The following PRKCE variants were observed in gnomAD, a reference collection of about 807,000 sequenced individuals.
The protein encoded by PRKCE is protein kinase C epsilon type.
A neutral mutation model predicts 85.4 loss-of-function variants in PRKCE; 16 were observed. That is an observed-to-expected ratio of 0.19 (90% CI 0.13 to 0.28). The LOEUF is 0.28. Ranked by LOEUF, PRKCE falls within the 10% of genes least tolerant of loss-of-function variation. PRKCE has a pLI of 1.00. For synonymous variants in PRKCE, 388 were observed against 371.5 expected (o/e 1.04, Z -0.51); for missense variants, 573 against 975.2 (o/e 0.59, Z 5.49).
At chr2:45,891,912 C>T (rs557816106) in intron 2 of PRKCE, among the ~76,000 whole-genome samples, 2 of 152,308 alleles carry the variant, frequency 1.3e-5, no homozygotes, top group Non-Finnish European at 2.9e-5. Context: ...TTCAGTGGCT[C>T]CCGTCCCCAC....
At chr2:46,073,047 AG>A (rs1229592808) in intron 10 of PRKCE, among the ~76,000 whole-genome samples, 1 of 152,182 alleles carries the variant, frequency 6.6e-6, no homozygotes, top group East Asian at 1.9e-4. Context: ...GCTCTGATAG[AG>A]GGGCCTGGAA....
Position 45,924,291 on chromosome 2 carries a change from A to G in PRKCE, c.413-52138A>G, listed in dbSNP as rs138547152. ...GTATTTTTGTTTGGGGAGAGGTATA[A>G]CAAATATGTCCACTGCCAGGGAAAT... On this transcript the variant is annotated intron_variant, in intron 2 of 14. Transcript: ENST00000306156. Among the ~76,000 whole-genome samples the G allele has an allele frequency of 2.6e-5, 4 of 152,300 alleles. No homozygotes were observed. The East Asian group carries it at 7.7e-4, about 29-fold the overall frequency.
chr2:45,961,987 G>A (rs1464077101), intron 2 of PRKCE, among the ~76,000 whole-genome samples: 4 of 152,166 alleles, frequency 2.6e-5, no homozygotes, highest in African/African-American at 4.8e-5. Context: ...GAACCACCGC[G>A]CCCGGCTGCC....
At chr2:45,741,436 A>G (rs1282280933) in intron 1 of PRKCE, among the ~76,000 whole-genome samples, 2 of 148,884 alleles carry the variant, frequency 1.3e-5, no homozygotes, top group East Asian at 2.0e-4. Flanking sequence ...ACTGGGGACA[A>G]ATATCAGAAT....
intron 10 of PRKCE, among the ~76,000 whole-genome samples, chr2:46,070,642 C>CA (rs5830886): frequency 0.59 from 86,514 of 147,690 alleles, 25,313 homozygotes; most frequent in Middle Eastern, 0.65. Context: ...GACTCCGTCT[C>CA]AAAAAAAAAA....
intron 1 of PRKCE, among the ~76,000 whole-genome samples, chr2:45,757,551 C>T (rs1277673097): frequency 6.6e-6 from 1 of 151,904 alleles, no homozygotes; most frequent in Non-Finnish European, 1.5e-5. Context: ...GCTGTAGTGC[C>T]AGTAACTTGG....
intron 10 of PRKCE, among the ~76,000 whole-genome samples, chr2:46,060,372 AC>A (rs1418554419): frequency 6.6e-6 from 1 of 152,056 alleles, no homozygotes; most frequent in Non-Finnish European, 1.5e-5. Flanking sequence ...AAGAGAGAAG[AC>A]CCTGCCCATG....
chr2:45,831,959 CTTTAT>C (rs758955032), intron 1 of PRKCE, among the ~76,000 whole-genome samples: 61 of 152,178 alleles, frequency 4.0e-4, no homozygotes, highest in Admixed American at 9.8e-4. Flanking sequence ...AGATCTTATC[CTTTAT>C]TTTATTTTTG....
chr2:46,169,249 G>A (rs1678650130), intron 14 of PRKCE, among the ~76,000 whole-genome samples: 1 of 152,176 alleles, frequency 6.6e-6, no homozygotes, highest in Admixed American at 6.5e-5. Context: ...CTGGGGAGGG[G>A]GATGGTAACA....
At chr2:46,005,922 A>T (rs1705152385) in intron 8 of PRKCE, among the ~76,000 whole-genome samples, 2 of 152,170 alleles carry the variant, frequency 1.3e-5, no homozygotes, top group Non-Finnish European at 2.9e-5. Context: ...TGAGGCTGAG[A>T]TCCCCTTTGG....
chr2:45,665,608 C>G (rs947300996), intron 1 of PRKCE, among the ~76,000 whole-genome samples: 1 of 152,166 alleles, frequency 6.6e-6, no homozygotes, highest in Non-Finnish European at 1.5e-5. Flanking sequence ...ATGACACCAT[C>G]CTATTTCTCT....
intron 1 of PRKCE, chr2:45,675,969 A>G (rs1676426152): frequency 6.6e-6 from 1 of 152,182 alleles, no homozygotes. Context: ...GCTTTTATTC[A>G]AGCAGCACCG....
At position 46,131,671 on chromosome 2, in the gene PRKCE, G is replaced by T. The variant is rs538789922; in HGVS notation, c.1593-13422G>T. ...AGGAGAAGCTGCTGGATCCTTCTTG[G>T]TTGGAAGACTGGAAGGCATGTGGAG... On this transcript the variant is annotated intron_variant, in intron 11 of 14. Coordinates refer to ENST00000306156, the MANE Select transcript of PRKCE (RefSeq NM_005400.3). Among the ~76,000 whole-genome samples, 173 of 152,346 alleles carry T rather than the reference G, an allele frequency of 1.1e-3. 1 individual carries two copies. The highest frequency in any genetic ancestry group is 3.9e-3 in the African/African-American group (164 of 41,588).
intron 2 of PRKCE, among the ~76,000 whole-genome samples, chr2:45,896,129 C>T (rs1182838243): frequency 6.6e-6 from 1 of 152,188 alleles, no homozygotes; most frequent in Non-Finnish European, 1.5e-5. Flanking sequence ...TTGTCCGAGT[C>T]AGTTAACCTC....
intron 10 of PRKCE, among the ~76,000 whole-genome samples, chr2:46,034,405 G>A (rs1707725831): frequency 6.6e-6 from 1 of 152,206 alleles, no homozygotes; most frequent in African/African-American, 2.4e-5. Flanking sequence ...TCGTAAGGAG[G>A]GGGCTGTGTG....
intron 10 of PRKCE, among the ~76,000 whole-genome samples, chr2:46,025,077 A>G (rs1574266516): frequency 7.6e-6 from 1 of 132,330 alleles, no homozygotes. Context: ...ATTTGACTGT[A>G]AAAAAAAACA....
chr2:45,659,308 C>T (rs1426789981), intron 1 of PRKCE, among the ~76,000 whole-genome samples: 1 of 152,254 alleles, frequency 6.6e-6, no homozygotes, highest in Non-Finnish European at 1.5e-5. Context: ...GCCTGTAATT[C>T]TCAGGTGCCC....
At chr2:45,721,052 A>T (rs564562697) in intron 1 of PRKCE, among the ~76,000 whole-genome samples, 7 of 152,314 alleles carry the variant, frequency 4.6e-5, no homozygotes, top group Non-Finnish European at 7.3e-5. Flanking sequence ...GGTTGCAGTG[A>T]GCTGAGATTG....
At chr2:45,932,228 G>C (rs958464535) in intron 2 of PRKCE, among the ~76,000 whole-genome samples, 8 of 152,218 alleles carry the variant, frequency 5.3e-5, no homozygotes, top group African/African-American at 1.9e-4. Context: ...TTAGGTTTCT[G>C]AGATTCATCC....
Sources: allele counts gnomAD v4.1 joint callset (sites outside exome capture counted in the v4.1 genomes callset), GRCh38; gene constraint gnomAD v4.1.1; transcripts MANE v1.5; gene names NCBI Gene and HGNC (gene_info 2026-07-23, HGNC 2026-07-21).